Variants in LRMDA observed in about 807,000 individuals in gnomAD.
LRMDA encodes the protein leucine-rich melanocyte differentiation-associated protein.
Under a neutral mutation model 29.8 loss-of-function variants are expected in LRMDA, and 18 were observed. The observed-to-expected ratio is 0.60, with a 90% CI of 0.42 to 0.90. LRMDA has a LOEUF of 0.90. LRMDA is among the 40% of genes least tolerant of loss of function. The pLI is 0.00. For synonymous variants in LRMDA, 125 were observed against 109.4 expected, an observed-to-expected ratio of 1.14 and a Z score of -0.89; for missense variants, 273 against 273.9, an observed-to-expected ratio of 1.00 and a Z score of 0.02.
intron 2 of LRMDA, among the ~76,000 whole-genome samples, chr10:75,893,694 G>A (rs2053609204): frequency 1.3e-5 from 2 of 152,138 alleles, no homozygotes; most frequent in Admixed American, 6.5e-5. Context: ...CCAGCACTTT[G>A]GGAGGCCGAG....
At chr10:75,939,011 C>T (rs1846343830) in intron 2 of LRMDA, among the ~76,000 whole-genome samples, 2 of 152,154 alleles carry the variant, frequency 1.3e-5, no homozygotes, top group Admixed American at 1.3e-4. Context: ...TTAGTGAAAC[C>T]AGCGCTCGGC....
At chr10:76,553,642 T>C (rs1159120851) in intron 6 of LRMDA, among the ~76,000 whole-genome samples, 4 of 152,246 alleles carry the variant, frequency 2.6e-5, no homozygotes, top group Admixed American at 1.3e-4. Flanking sequence ...CTGTGCTGTT[T>C]CGTGCATGTT....
At chr10:75,595,830 T>C (rs1183586199) in intron 2 of LRMDA, among the ~76,000 whole-genome samples, 3 of 151,654 alleles carry the variant, frequency 2.0e-5, no homozygotes, top group Non-Finnish European at 4.4e-5. Flanking sequence ...TCCAGCTACA[T>C]TGATCTCTGA....
At chr10:76,476,772 G>T (rs1045506735) in intron 6 of LRMDA, among the ~76,000 whole-genome samples, 36 of 151,992 alleles carry the variant, frequency 2.4e-4, no homozygotes, top group African/African-American at 8.5e-4. Flanking sequence ...ATGTAATCCA[G>T]CATATAAACA....
At chr10:75,833,305 C>T (rs752076574) in intron 2 of LRMDA, among the ~76,000 whole-genome samples, 1 of 152,202 alleles carries the variant, frequency 6.6e-6, no homozygotes, top group Non-Finnish European at 1.5e-5. Context: ...CTGAAAGACA[C>T]TCTGAAGAGC....
At chr10:76,020,883 T>C (rs1441748180) in intron 2 of LRMDA, among the ~76,000 whole-genome samples, 1 of 152,242 alleles carries the variant, frequency 6.6e-6, no homozygotes, top group African/African-American at 2.4e-5. Flanking sequence ...CCTATGAGTG[T>C]CTTTCACTTT....
At chr10:76,101,669 G>A (rs887380729) in intron 5 of LRMDA, among the ~76,000 whole-genome samples, 1 of 152,114 alleles carries the variant, frequency 6.6e-6, no homozygotes, top group African/African-American at 2.4e-5. Flanking sequence ...CCGGGAGGCA[G>A]AGGTTGCAGT....
intron 2 of LRMDA, among the ~76,000 whole-genome samples, chr10:75,863,018 A>G (rs1844959088): frequency 6.6e-6 from 1 of 152,076 alleles, no homozygotes; most frequent in African/African-American, 2.4e-5. Context: ...AAAGCCCTGC[A>G]TGTAAATATA....
At chr10:75,448,243 A>G (rs1048171074) in intron 2 of LRMDA, among the ~76,000 whole-genome samples, 2 of 152,188 alleles carry the variant, frequency 1.3e-5, no homozygotes, top group African/African-American at 4.8e-5. Context: ...AGACTTTTGT[A>G]TAATGCTTTT....
intron 2 of LRMDA, among the ~76,000 whole-genome samples, chr10:75,621,901 C>T (rs1257607514): frequency 6.6e-6 from 1 of 152,192 alleles, no homozygotes; most frequent in African/African-American, 2.4e-5. Flanking sequence ...GGCTATTATT[C>T]TTCTGAGCAG....
At chr10:76,351,574 A>G (rs1841176752) in intron 6 of LRMDA, among the ~76,000 whole-genome samples, 1 of 152,018 alleles carries the variant, frequency 6.6e-6, no homozygotes, top group African/African-American at 2.4e-5. Flanking sequence ...CACCAATATT[A>G]GCAGATTTGC....
chr10:76,517,071 C>A (rs1017867942), intron 6 of LRMDA, among the ~76,000 whole-genome samples: 1 of 151,846 alleles, frequency 6.6e-6, no homozygotes, highest in Non-Finnish European at 1.5e-5. Flanking sequence ...CTGAAATAAC[C>A]AGAAATGGAA....
At chr10:75,486,724 G>A (rs1844919472) in intron 2 of LRMDA, among the ~76,000 whole-genome samples, 1 of 152,152 alleles carries the variant, frequency 6.6e-6, no homozygotes, top group South Asian at 2.1e-4. Context: ...TCCTCCTTGG[G>A]CTTTCTCTCT....
chr10:75,567,163 G>C (rs957013509), intron 2 of LRMDA, among the ~76,000 whole-genome samples: 2 of 150,620 alleles, frequency 1.3e-5, no homozygotes, highest in African/African-American at 2.5e-5. Context: ...TTTTCTTCTA[G>C]ATATTCTAAT....
intron 6 of LRMDA, among the ~76,000 whole-genome samples, chr10:76,406,202 C>T (rs1841899903): frequency 6.6e-6 from 1 of 152,192 alleles, no homozygotes; most frequent in East Asian, 1.9e-4. Context: ...CAAGTCCACA[C>T]ATCCTGTACT....
chr10:75,557,376 A>T, intron 2 of LRMDA, among the ~76,000 whole-genome samples: 1 of 152,032 alleles, frequency 6.6e-6, no homozygotes, highest in East Asian at 1.9e-4. Context: ...TAATTACACT[A>T]AATATTAATG....
chr10:76,502,057 C>G (rs1453651842), intron 6 of LRMDA, among the ~76,000 whole-genome samples: 1 of 151,784 alleles, frequency 6.6e-6, no homozygotes, highest in Non-Finnish European at 1.5e-5. Context: ...GGTAGTGGTC[C>G]AGCTTCAATC....
At chr10:75,730,645 G>T (rs560726258) in intron 2 of LRMDA, among the ~76,000 whole-genome samples, 2 of 152,248 alleles carry the variant, frequency 1.3e-5, no homozygotes, top group East Asian at 3.9e-4. Flanking sequence ...CCTGGCCTGG[G>T]TTGCTCTTCA....
intron 6 of LRMDA, among the ~76,000 whole-genome samples, chr10:76,327,994 A>G (rs1260215959): frequency 6.6e-6 from 1 of 152,216 alleles, no homozygotes; most frequent in Non-Finnish European, 1.5e-5. Context: ...TTTTACTAGA[A>G]CAGAAACTCT....
Sources: gnomAD v4.1 joint callset for allele counts (sites outside exome capture counted in the v4.1 genomes callset) on GRCh38, gnomAD v4.1.1 for gene constraint, MANE v1.5 for transcripts, NCBI Gene and HGNC (gene_info 2026-07-23, HGNC 2026-07-21) for gene names.